Variants in ERICH3 observed in about 807,000 individuals in gnomAD.
ERICH3 encodes glutamate rich 3.
In ERICH3, 126 loss-of-function variants were observed where a neutral mutation model predicts 131.1. That is an observed-to-expected ratio of 0.96 (90% CI 0.83 to 1.11). The LOEUF is 1.11. Among genes scored for constraint, ERICH3 ranks in the 50% most tolerant of loss-of-function variants. ERICH3 has a pLI of 0.00. For synonymous variants in ERICH3, 695 were observed against 644.6 expected, an observed-to-expected ratio of 1.08 and a Z score of -1.18; for missense variants, 2,050 against 1,810.7, an observed-to-expected ratio of 1.13 and a Z score of -2.40.
chr1:74,624,454 TTTCTC>T (rs1649346347), intron 7 of ERICH3: 2 of 152,288 alleles, frequency 1.3e-5, no homozygotes. Flanking sequence ...TGTTCTTCCC[TTTCTC>T]TTCTCTTTCT....
chr1:74,593,944 G>A (rs1051377960), intron 11 of ERICH3, among the ~76,000 whole-genome samples: 1 of 152,054 alleles, frequency 6.6e-6, no homozygotes, highest in Non-Finnish European at 1.5e-5. Context: ...GCTCCTCTTA[G>A]CTGACTTTTC....
chr1:74,649,678 C>A (rs1646516160), intron 1 of ERICH3, among the ~76,000 whole-genome samples: 1 of 152,140 alleles, frequency 6.6e-6, no homozygotes, highest in South Asian at 2.1e-4. Context: ...GATGGGAAAG[C>A]AAGGGCTCCT....
rs796270256 is a variant in ERICH3, at chr1:74,576,547, A to G, written c.2218+348T>C. On this transcript the variant is annotated intron_variant, in intron 13 of 14. Coordinates refer to ENST00000326665, the MANE Select transcript of ERICH3 (RefSeq NM_001002912.5). ...GCTACTGCTATTTGCTATGAACAAT[A>G]AAGTCCTTTTTCTCTGACTCAGGTG... Among the ~76,000 whole-genome samples, 5 of 152,290 alleles carry G rather than the reference A, an allele frequency of 3.3e-5. 1 individual carries two copies. Among genetic ancestry groups the G allele is most frequent in the African/African-American group, 1.2e-4 (5 of 41,558 alleles).
At chr1:74,586,175 GGC>G (rs1470432713) in intron 12 of ERICH3, among the ~76,000 whole-genome samples, 1 of 151,906 alleles carries the variant, frequency 6.6e-6, no homozygotes, top group Non-Finnish European at 1.5e-5. Flanking sequence ...ACAATACTGT[GGC>G]AATATAAGAA....
intron 12 of ERICH3, among the ~76,000 whole-genome samples, chr1:74,583,962 C>T (rs1213229092): frequency 1.3e-5 from 2 of 152,144 alleles, no homozygotes; most frequent in African/African-American, 4.8e-5. Flanking sequence ...CAAGAATTTT[C>T]ATCTGTATTT....
chr1:74,644,197 C>G (rs1240562761), intron 3 of ERICH3, among the ~76,000 whole-genome samples: 1 of 151,996 alleles, frequency 6.6e-6, no homozygotes, highest in African/African-American at 2.4e-5. Flanking sequence ...TCCCTATCAT[C>G]AATCCTCTTC....
chr1:74,610,667 C>T (rs1648646381), intron 9 of ERICH3, among the ~76,000 whole-genome samples: 1 of 151,898 alleles, frequency 6.6e-6, no homozygotes, highest in Admixed American at 6.6e-5. Flanking sequence ...TGGCTACCAC[C>T]TAATTACCAT....
At chr1:74,654,864 A>T (rs567994510) in intron 1 of ERICH3, among the ~76,000 whole-genome samples, 1 of 152,316 alleles carries the variant, frequency 6.6e-6, no homozygotes, top group Admixed American at 6.5e-5. Context: ...ATATGTAACG[A>T]ATCATAGTGA....
chr1:74,645,648 A>G (rs982773625), intron 3 of ERICH3, among the ~76,000 whole-genome samples: 3 of 152,024 alleles, frequency 2.0e-5, no homozygotes, highest in Non-Finnish European at 4.4e-5. Flanking sequence ...ATGTTTTATT[A>G]ATTTTATTTA....
Position 74,573,198 on chromosome 1 carries a change from C to A in ERICH3, c.2512G>T (p.Gly838Trp), listed in dbSNP as rs1202234472. Residue 838 changes from glycine (G) to tryptophan (W), a missense_variant, in exon 14 of 15, where the codon GGG becomes TGG. By Grantham distance (184) the Gly-to-Trp change is radical. Transcript: ENST00000326665. ...TCTGCTTCTGCTGCTCCCTCTGCCC[C>A]CCTTTCTATGCCTGGAGGGATCTCC... ...KREIPPGIER[G>W]AEGAAEAEGV... The A allele has an allele frequency of 1.9e-6, 3 of 1,612,576 alleles. No individual in the cohort carries two copies. Among genetic ancestry groups the A allele is most frequent in the Non-Finnish European group, 2.5e-6 (3 of 1,179,258 alleles).
At chr1:74,588,047 C>T (rs1208871056) in intron 12 of ERICH3, among the ~76,000 whole-genome samples, 1 of 152,082 alleles carries the variant, frequency 6.6e-6, no homozygotes. Flanking sequence ...GAAAACAAGA[C>T]AAAATAGTAG....
intron 9 of ERICH3, among the ~76,000 whole-genome samples, chr1:74,612,137 G>A (rs1322445165): frequency 1.3e-5 from 2 of 152,140 alleles, no homozygotes; most frequent in Non-Finnish European, 2.9e-5. Flanking sequence ...TGAAACTAAG[G>A]GAGATAATGA....
rs1646893459 is a variant in ERICH3, at chr1:74,568,167, C to G, written c.*2291G>C. 1 of 152,062 alleles carries G rather than the reference C, an allele frequency of 6.6e-6. No individual in the cohort carries two copies. The highest frequency in any genetic ancestry group is 1.5e-5 in the Non-Finnish European group (1 of 67,960). 9.4% of individuals were successfully genotyped at this position (152,062 alleles called of 1,614,324 possible). On this transcript the variant is annotated 3_prime_UTR_variant, in exon 15 of 15. Transcript: ENST00000326665. ...AATAATGAAGAAACAGGAAACAAACCATTTCAGGGGAACATACAAGTAATT... is the reference window on the plus strand; with the variant it reads ...AATAATGAAGAAACAGGAAACAAACGATTTCAGGGGAACATACAAGTAATT...
chr1:74,609,384 T>C (rs1246426130), intron 9 of ERICH3, among the ~76,000 whole-genome samples: 1 of 152,086 alleles, frequency 6.6e-6, no homozygotes, highest in Non-Finnish European at 1.5e-5. Flanking sequence ...AAATTAAAAT[T>C]AATTTCATTT....
intron 10 of ERICH3, among the ~76,000 whole-genome samples, chr1:74,603,522 A>G (rs1204370498): frequency 6.6e-6 from 1 of 151,920 alleles, no homozygotes; most frequent in African/African-American, 2.4e-5. Flanking sequence ...ATAAGCATAT[A>G]CAGGCATACC....
Position 74,572,937 on chromosome 1 carries a change from C to G in ERICH3, c.2773G>C (p.Ala925Pro). Residue 925 changes from alanine (A) to proline (P), a missense_variant, in exon 14 of 15, where the codon GCA (alanine) becomes CCA (proline). Physicochemically the swap from Ala to Pro is conservative, Grantham distance 27 (BLOSUM62 -1). Coordinates refer to ENST00000326665, the MANE Select transcript of ERICH3 (RefSeq NM_001002912.5). ...HLHEVAALRE[A>P]ATSEEGEAEG... ...GCCTCTCCCTCCTCCGATGTCGCTG[C>G]CTCTCTCAGGGCTGCTACTTCATGA... 2 of 1,614,110 alleles carry G rather than the reference C, an allele frequency of 1.2e-6. No individual in the cohort carries two copies. Among genetic ancestry groups the G allele is most frequent in the Non-Finnish European group, 1.7e-6 (2 of 1,180,014 alleles).
chr1:74,590,167 T>C, intron 11 of ERICH3, 87 bp from the exon 12 acceptor site: 1 of 1,129,496 alleles, frequency 8.9e-7, no homozygotes, highest in Non-Finnish European at 1.2e-6. Flanking sequence ...TTAATAATAC[T>C]AAAAATTTTA....
At chr1:74,631,567 T>G (rs1646336536) in intron 7 of ERICH3, 146 bp downstream of exon 7, 1 of 659,282 alleles carries the variant, frequency 1.5e-6, no homozygotes, top group African/African-American at 1.8e-5. Context: ...TCAGATACAT[T>G]CAAGCTTACT....
intron 2 of ERICH3, among the ~76,000 whole-genome samples, 162 bp downstream of exon 2, chr1:74,649,060 T>G (rs1044200042): frequency 2.0e-5 from 3 of 152,150 alleles, no homozygotes; most frequent in African/African-American, 7.2e-5. Context: ...TTCCTATCTT[T>G]TCAAACAACC....
Sources: gnomAD v4.1 joint callset for allele counts (sites outside exome capture counted in the v4.1 genomes callset) on GRCh38, gnomAD v4.1.1 for gene constraint, MANE v1.5 for transcripts, NCBI Gene and HGNC (gene_info 2026-07-23, HGNC 2026-07-21) for gene names.